The following UNC5B variants were observed in gnomAD, a reference collection of about 807,000 sequenced individuals.
The protein encoded by UNC5B is netrin receptor UNC5B.
A neutral mutation model predicts 103.7 loss-of-function variants in UNC5B; 56 were observed. That is an observed-to-expected ratio of 0.54 (90% CI 0.44 to 0.67). UNC5B has a LOEUF of 0.67. UNC5B is among the 30% of genes least tolerant of loss of function. UNC5B has a pLI of 0.00. For missense variants in UNC5B, 1,194 were observed against 1,284.5 expected (o/e 0.93, Z 1.08); for synonymous variants, 577 against 542.0 (o/e 1.06, Z -0.90).
intron 1 of UNC5B, among the ~76,000 whole-genome samples, chr10:71,221,439 G>A (rs897947839): frequency 6.6e-6 from 1 of 152,218 alleles, no homozygotes; most frequent in African/African-American, 2.4e-5. Context: ...AGAGGCAGGG[G>A]GAGGCCAATC....
At chr10:71,288,446 C>G in intron 6 of UNC5B, 122 bp from the exon 7 acceptor site, 15 of 1,406,118 alleles carry the variant, frequency 1.1e-5, no homozygotes, top group South Asian at 2.8e-5. Context: ...TTCTGGGTTC[C>G]TCATTTCCTT....
Position 71,212,959 on chromosome 10 carries a change from G to A in UNC5B, c.-27G>A. ...GGGCCAGGGAGACAGCCCTGGGGGA[G>A]AGGCGCCCGAACCAGGCCGCGGGAG... is the stretch of plus-strand genomic sequence containing the variant. On this transcript the variant is annotated 5_prime_UTR_variant, in exon 1 of 17. Coordinates refer to ENST00000335350, the MANE Select transcript of UNC5B (RefSeq NM_170744.5). 1 of 1,320,446 alleles carries A rather than the reference G, an allele frequency of 7.6e-7. No homozygotes were observed. The highest frequency in any genetic ancestry group is 2.2e-5 in the South Asian group (1 of 45,674). The allele number at this position is 1,320,446 out of a possible 1,614,324, so 81.8% of individuals were successfully genotyped here. A position where few individuals can be genotyped will look rare whatever the true frequency, so the allele number is the denominator to read the frequency against.
At chr10:71,281,485 C>T (rs1208707597) in intron 2 of UNC5B, among the ~76,000 whole-genome samples, 4 of 152,042 alleles carry the variant, frequency 2.6e-5, no homozygotes, top group South Asian at 2.1e-4. Context: ...GGACTACAGG[C>T]GCGTGCCACC....
At position 71,287,686 on chromosome 10, in the gene UNC5B, C is replaced by G; in HGVS notation, c.822C>G (p.Thr274=). 6.2e-7 allele frequency: 1 copy of G among 1,613,216 alleles called. No homozygotes were observed. The highest frequency in any genetic ancestry group is 8.5e-7 in the Non-Finnish European group (1 of 1,179,590). The change falls in exon 6 of 17, where the codon ACC becomes ACG. Residue 274 remains threonine, a synonymous_variant. Coordinates refer to ENST00000335350, the MANE Select transcript of UNC5B (RefSeq NM_170744.5). ...RGWQKRTRTC[T]NPAPLNGGAF... is the part of the protein sequence containing the mutation. ...GGCAGAAGCGCACCCGGACCTGCAC[C>G]AACCCCGCTCCACTCAACGGAGGGG...
intron 1 of UNC5B, among the ~76,000 whole-genome samples, chr10:71,244,511 G>A (rs555817629): frequency 6.6e-6 from 1 of 152,244 alleles, no homozygotes; most frequent in Middle Eastern, 3.2e-3. Flanking sequence ...CCTTCTTACA[G>A]AGGGCACAGA....
At chr10:71,247,502 C>A (rs1315478365) in intron 1 of UNC5B, among the ~76,000 whole-genome samples, 1 of 152,246 alleles carries the variant, frequency 6.6e-6, no homozygotes, top group Non-Finnish European at 1.5e-5. Context: ...TGAGGCCTCG[C>A]TGTTGGACAG....
At chr10:71,293,958 A>C in intron 13 of UNC5B, 25 bp downstream of exon 13, 1 of 1,562,206 alleles carries the variant, frequency 6.4e-7, no homozygotes, top group Non-Finnish European at 8.6e-7. Flanking sequence ...AGGTGCCCAC[A>C]CAGCCCTGGC....
chr10:71,252,223 T>C (rs61188447), intron 1 of UNC5B, among the ~76,000 whole-genome samples: 3,266 of 152,318 alleles, frequency 0.021, 114 homozygotes, highest in African/African-American at 0.07. Flanking sequence ...TCTGGGCCTG[T>C]TTTGCCATCT....
At chr10:71,249,092 A>C (rs1287295046) in intron 1 of UNC5B, among the ~76,000 whole-genome samples, 1 of 152,138 alleles carries the variant, frequency 6.6e-6, no homozygotes, top group Non-Finnish European at 1.5e-5. Context: ...TTCTGTGTCC[A>C]AGCTTTCAGT....
At chr10:71,224,903 A>G (rs905175362) in intron 1 of UNC5B, among the ~76,000 whole-genome samples, 4 of 152,244 alleles carry the variant, frequency 2.6e-5, no homozygotes, top group Non-Finnish European at 4.4e-5. Context: ...GTTATCCTAC[A>G]GACTTCTGAG....
intron 4 of UNC5B, among the ~76,000 whole-genome samples, chr10:71,285,980 G>A (rs1274202214): frequency 1.3e-5 from 2 of 152,190 alleles, no homozygotes; most frequent in African/African-American, 2.4e-5. Context: ...CTTCCAGCCT[G>A]GGATCAGCCC....
intron 1 of UNC5B, among the ~76,000 whole-genome samples, chr10:71,266,521 G>A (rs61240153): frequency 0.022 from 3,374 of 152,270 alleles, 118 homozygotes; most frequent in African/African-American, 0.077. Context: ...GAGCAGGGAC[G>A]GGCGTCCCTC....
At chr10:71,215,829 G>A (rs1244536093) in intron 1 of UNC5B, among the ~76,000 whole-genome samples, 1 of 150,872 alleles carries the variant, frequency 6.6e-6, no homozygotes, top group Non-Finnish European at 1.5e-5. Context: ...GTGTGTGTGT[G>A]TGTGTGTGTG....
chr10:71,302,170 T>A lies in UNC5B; in HGVS notation c.*2893T>A, dbSNP rs1845596443. ...TCTCCTCCAATTCAGACCCAAGAGG[T>A]AGCCCCCGAGGGCATGTACCTGGTG... On this transcript the variant is annotated 3_prime_UTR_variant, in exon 17 of 17. Transcript: ENST00000335350. 1 of 152,090 alleles carries A rather than the reference T, an allele frequency of 6.6e-6. No individual in the cohort carries two copies. Among genetic ancestry groups the A allele is most frequent in the African/African-American group, 2.4e-5 (1 of 41,402 alleles). The allele number at this position is 152,090 out of a possible 1,614,324, so 9.4% of individuals were successfully genotyped here.
At chr10:71,257,820 G>A (rs1844327136) in intron 1 of UNC5B, among the ~76,000 whole-genome samples, 1 of 152,258 alleles carries the variant, frequency 6.6e-6, no homozygotes, top group Admixed American at 6.5e-5. Flanking sequence ...GGCCAGGTGT[G>A]CAGGGAACTC....
At chr10:71,291,180 C>A (rs943891405) in intron 9 of UNC5B, 71 bp downstream of exon 9, 2 of 1,524,982 alleles carry the variant, frequency 1.3e-6, no homozygotes, top group Non-Finnish European at 1.8e-6. Flanking sequence ...GGTACCCAGA[C>A]CAGAGCCAGG....
At chr10:71,244,381 A>G (rs1306633998) in intron 1 of UNC5B, among the ~76,000 whole-genome samples, 1 of 152,226 alleles carries the variant, frequency 6.6e-6, no homozygotes, top group Non-Finnish European at 1.5e-5. Context: ...GTTTGGTTAT[A>G]ATCTCCTAAG....
intron 1 of UNC5B, among the ~76,000 whole-genome samples, chr10:71,233,279 A>ATCCTGAGGTGGCCCCATCCCGGGG (rs1267792981): frequency 3.3e-5 from 5 of 152,214 alleles, no homozygotes; most frequent in South Asian, 4.2e-4. Flanking sequence ...GGAGATGAGG[A>ATCCTGAGGTGGCCCCATCCCGGGG]TCCTGAGGTG....
chr10:71,260,017 TGCC>T (rs1844379637), intron 1 of UNC5B, among the ~76,000 whole-genome samples: 1 of 152,140 alleles, frequency 6.6e-6, no homozygotes, highest in Non-Finnish European at 1.5e-5. Flanking sequence ...ACAAGCCAAC[TGCC>T]AGGCAGGAGC....
Sources: allele counts gnomAD v4.1 joint callset (sites outside exome capture counted in the v4.1 genomes callset), GRCh38; gene constraint gnomAD v4.1.1; transcripts MANE v1.5; gene names NCBI Gene and HGNC (gene_info 2026-07-23, HGNC 2026-07-21).